Variants in VTA1 observed in about 807,000 individuals in gnomAD.
The protein encoded by VTA1 is vacuolar protein sorting-associated protein VTA1 homolog.
VTA1 carries 24 observed loss-of-function variants against 36.9 expected under a neutral mutation model. That is an observed-to-expected ratio of 0.65 (90% CI 0.47 to 0.91). VTA1 has a LOEUF of 0.91. Ranked by LOEUF, VTA1 falls within the 40% of genes least tolerant of loss-of-function variation. The pLI, the probability that VTA1 is intolerant of heterozygous loss-of-function variation, is 0.00. For missense variants in VTA1, 393 were observed against 377.2 expected (o/e 1.04, Z -0.35); for synonymous variants, 142 against 130.2 (o/e 1.09, Z -0.62).
At chr6:142,176,974 A>G (rs1775137911) in intron 4 of VTA1, among the ~76,000 whole-genome samples, 1 of 152,160 alleles carries the variant, frequency 6.6e-6, no homozygotes, top group Non-Finnish European at 1.5e-5. Context: ...GTGTACTGGA[A>G]CGTTTCAAAG....
intron 7 of VTA1, among the ~76,000 whole-genome samples, chr6:142,209,756 GAC>G (rs1409041515): frequency 6.6e-6 from 1 of 151,782 alleles, no homozygotes; most frequent in Non-Finnish European, 1.5e-5. Context: ...AATAGAAGTA[GAC>G]ACATAAAAAA....
intron 7 of VTA1, among the ~76,000 whole-genome samples, chr6:142,204,906 G>A (rs1775760320): frequency 6.7e-6 from 1 of 150,364 alleles, no homozygotes; most frequent in Admixed American, 6.6e-5. Context: ...TATATTTTTA[G>A]TAGAGATGGG....
chr6:142,184,521 A>G (rs1775303142), intron 4 of VTA1, among the ~76,000 whole-genome samples: 1 of 147,438 alleles, frequency 6.8e-6, no homozygotes, highest in Non-Finnish European at 1.5e-5. Flanking sequence ...TTAGCATAGT[A>G]CCTGACTTGA....
Position 142,218,708 on chromosome 6 carries a change from C to A in VTA1, c.*65C>A. 1 of 1,497,998 alleles carries A rather than the reference C, an allele frequency of 6.7e-7. No homozygotes were observed. The highest frequency in any genetic ancestry group is 8.9e-7 in the Non-Finnish European group (1 of 1,124,488). The allele number at this position is 1,497,998 out of a possible 1,614,324, so 92.8% of individuals were successfully genotyped here. A position where few individuals can be genotyped will look rare whatever the true frequency, so the allele number is the denominator to read the frequency against. On this transcript the variant is annotated 3_prime_UTR_variant, in exon 8 of 8. Transcript: ENST00000367630. Reference sequence around the variant, plus strand: ...AACTAACAGTCCATTACTCTATCTTCAGCCTATCAGGATCACAGTTTTAAG... The same window carrying A: ...AACTAACAGTCCATTACTCTATCTTAAGCCTATCAGGATCACAGTTTTAAG...
At chr6:142,156,766 TAA>T (rs1315200551) in intron 1 of VTA1, among the ~76,000 whole-genome samples, 2 of 152,208 alleles carry the variant, frequency 1.3e-5, no homozygotes, top group Non-Finnish European at 2.9e-5. Flanking sequence ...TAAGTATATA[TAA>T]AGTTATTTCA....
rs1364013244 is a variant in VTA1, at chr6:142,203,945, G to A, written c.698-40G>A. ...CTGCCCTGCTGTATAATTAAAAGGTGTAATACTTCTATGCCCATTTTTGCT... is the reference window on the plus strand; with the variant it reads ...CTGCCCTGCTGTATAATTAAAAGGTATAATACTTCTATGCCCATTTTTGCT... On this transcript the variant is annotated intron_variant, in intron 6 of 7. Coordinates refer to ENST00000367630, the MANE Select transcript of VTA1 (RefSeq NM_016485.5). 27 of 1,542,394 alleles carry A rather than the reference G, an allele frequency of 1.8e-5. No individual in the cohort carries two copies. The Admixed American group carries it at 1.8e-4, about 11-fold the overall frequency.
intron 4 of VTA1, among the ~76,000 whole-genome samples, chr6:142,186,379 G>A (rs1775340137): frequency 6.6e-6 from 1 of 152,150 alleles, no homozygotes; most frequent in Admixed American, 6.5e-5. Context: ...TGACACGAAT[G>A]GATTTATATT....
chr6:142,170,276 T>C (rs1775002652), intron 3 of VTA1, 70 bp from the exon 4 acceptor site: 10 of 1,163,860 alleles, frequency 8.6e-6, no homozygotes, highest in South Asian at 1.3e-5. Flanking sequence ...TTTTTTCTTA[T>C]AGCTAAATGA....
intron 1 of VTA1, among the ~76,000 whole-genome samples, chr6:142,152,681 A>G (rs1162452562): frequency 6.6e-6 from 1 of 152,158 alleles, no homozygotes; most frequent in Non-Finnish European, 1.5e-5. Context: ...TTAGATGTCA[A>G]TATTTGATGT....
intron 1 of VTA1, among the ~76,000 whole-genome samples, chr6:142,162,883 A>G: frequency 6.6e-6 from 1 of 152,156 alleles, no homozygotes; most frequent in Non-Finnish European, 1.5e-5. Context: ...GAATGTTGGA[A>G]GAAGAGGAGA....
rs1378332081 is a variant in VTA1 at position 142,220,962 on chromosome 6, G to A, written c.*2319G>A. On this transcript the variant is annotated 3_prime_UTR_variant, in exon 8 of 8. Coordinates refer to ENST00000367630, the MANE Select transcript of VTA1 (RefSeq NM_016485.5). Reference sequence around the variant, plus strand: ...CATTACATTTAATCAGTGGCTCTCCGAGTGTGATTAGAAATACAAATTTTG... The same window carrying A: ...CATTACATTTAATCAGTGGCTCTCCAAGTGTGATTAGAAATACAAATTTTG... 3 of 152,170 alleles carry A rather than the reference G, an allele frequency of 2.0e-5. No individual in the cohort carries two copies. Among genetic ancestry groups the A allele is most frequent in the East Asian group, 1.9e-4 (1 of 5,166 alleles). 9.4% of individuals were successfully genotyped at this position (152,170 alleles called of 1,614,324 possible).
chr6:142,203,956 A>C (rs41289835), intron 6 of VTA1, 29 bp from the exon 7 acceptor site: 26 of 1,586,234 alleles, frequency 1.6e-5, no homozygotes, highest in Middle Eastern at 1.7e-4. Context: ...TAATACTTCT[A>C]TGCCCATTTT....
At chr6:142,218,134 C>T (rs1776036988) in intron 7 of VTA1, among the ~76,000 whole-genome samples, 1 of 152,052 alleles carries the variant, frequency 6.6e-6, no homozygotes, top group South Asian at 2.1e-4. Context: ...GTGATACTTA[C>T]ATTCCAGCTC....
At chr6:142,198,722 GT>G (rs1205822177) in intron 6 of VTA1, 107 bp downstream of exon 6, 1 of 1,088,052 alleles carries the variant, frequency 9.2e-7, no homozygotes, top group African/African-American at 1.6e-5. Flanking sequence ...AACATGACAA[GT>G]TCCTTGAATT....
intron 7 of VTA1, among the ~76,000 whole-genome samples, chr6:142,210,231 T>G (rs12528034): frequency 2.0e-5 from 3 of 152,150 alleles, no homozygotes; most frequent in Admixed American, 6.5e-5. Flanking sequence ...AGAATGAAAG[T>G]AAACCCCCAT....
In VTA1 at chr6:142,191,371, A is replaced by T. The variant is rs368939618; in HGVS notation, c.520+1837A>T. Among the ~76,000 whole-genome samples, 13 of 152,240 alleles carry T rather than the reference A, an allele frequency of 8.5e-5. No individual in the cohort carries two copies. In the East Asian group the frequency reaches 2.1e-3, roughly 25 times the overall value. On this transcript the variant is annotated intron_variant, in intron 5 of 7. Coordinates refer to ENST00000367630, the MANE Select transcript of VTA1 (RefSeq NM_016485.5). Reference sequence around the variant, plus strand: ...GGGTTTTCGGCATTCTTTCCATATCAGTAACTTCTCTAATCTTAAAACTCT... The same window carrying T: ...GGGTTTTCGGCATTCTTTCCATATCTGTAACTTCTCTAATCTTAAAACTCT...
intron 1 of VTA1, among the ~76,000 whole-genome samples, chr6:142,147,821 A>G (rs976947857): frequency 6.6e-6 from 1 of 152,228 alleles, no homozygotes; most frequent in African/African-American, 2.4e-5. Context: ...GTAATAAGTG[A>G]ATATTATTTA....
At chr6:142,197,385 C>A (rs1184708405) in intron 5 of VTA1, among the ~76,000 whole-genome samples, 1 of 152,118 alleles carries the variant, frequency 6.6e-6, no homozygotes, top group Admixed American at 6.5e-5. Context: ...GATCTATTCT[C>A]TTTGATGAGT....
chr6:142,188,532 T>G (rs1423240026), intron 4 of VTA1, among the ~76,000 whole-genome samples: 2 of 152,126 alleles, frequency 1.3e-5, no homozygotes, highest in Non-Finnish European at 2.9e-5. Context: ...AAAACCACGT[T>G]CGCTCTGGAA....
Sources: gnomAD v4.1 joint callset for allele counts (sites outside exome capture counted in the v4.1 genomes callset) on GRCh38, gnomAD v4.1.1 for gene constraint, MANE v1.5 for transcripts, NCBI Gene and HGNC (gene_info 2026-07-23, HGNC 2026-07-21) for gene names.